The following YJU2B variants were observed in gnomAD, a reference collection of about 807,000 sequenced individuals.
YJU2B encodes probable splicing factor YJU2B.
In YJU2B, 18 loss-of-function variants were observed where a neutral mutation model predicts 38.0. The ratio of observed to expected loss-of-function variants is 0.47; its 90% CI spans 0.33 to 0.70. YJU2B has a LOEUF of 0.70. Ranked by LOEUF, YJU2B falls within the 30% of genes least tolerant of loss-of-function variation. The pLI, the probability that YJU2B is intolerant of heterozygous loss-of-function variation, is 0.02. For synonymous variants in YJU2B, 246 were observed against 225.4 expected, an observed-to-expected ratio of 1.09 and a Z score of -0.82; for missense variants, 538 against 556.3, an observed-to-expected ratio of 0.97 and a Z score of 0.33.
chr19:13,759,585 C>A lies in YJU2B; in HGVS notation c.573+313C>A, dbSNP rs573106402. Reference sequence around the variant, plus strand: ...GGCAACATAGTGAGACACCACCCCCCCCCTCCCCCAGCATCTCTAAATAAA... The same window carrying A: ...GGCAACATAGTGAGACACCACCCCCACCCTCCCCCAGCATCTCTAAATAAA... On this transcript the variant is annotated intron_variant, in intron 8 of 9. Coordinates refer to ENST00000221554, the MANE Select transcript of YJU2B (RefSeq NM_030818.4). 304 of 232,476 alleles carry A rather than the reference C, an allele frequency of 1.3e-3. 8 individuals are homozygous for A. The East Asian group carries it at 0.023, about 17-fold the overall frequency. The allele number at this position is 232,476 out of a possible 1,614,324, so 14.4% of individuals were successfully genotyped here.
Position 13,762,756 on chromosome 19 carries a change from G to A in YJU2B, c.879G>A (p.Leu293=). 4 of 1,608,078 alleles carry A rather than the reference G, an allele frequency of 2.5e-6. No individual in the cohort carries two copies. Among genetic ancestry groups the A allele is most frequent in the Non-Finnish European group, 3.4e-6 (4 of 1,178,572 alleles). The part of the protein sequence containing the change: ...LATSPITVGD[L]GIVRRRSRDV... The stretch of plus-strand genomic sequence containing the variant: ...CCTCCCCCATCACCGTCGGGGACCT[G>A]GGCATCGTGCGGCGGAGGTCTCGGG... Residue 293 remains leucine (L), a synonymous_variant, in exon 10 of 10, where the codon CTG becomes CTA. Coordinates refer to ENST00000221554, the MANE Select transcript of YJU2B (RefSeq NM_030818.4).
At position 13,758,060 on chromosome 19, in the gene YJU2B, C is replaced by G. The variant is rs543926418; in HGVS notation, c.257+214C>G. ...AGTCCTCCCCCTGGCTCACAAGGCA[C>G]CACACACTCTGCCTGTCCTTTCTTC... is the stretch of plus-strand genomic sequence containing the variant. On this transcript the variant is annotated intron_variant, in intron 6 of 9. Transcript: ENST00000221554. 4.6e-5 allele frequency among the ~76,000 whole-genome samples: 7 copies of G among 152,198 alleles called. No individual in the cohort carries two copies. In the South Asian group the frequency reaches 1.5e-3, roughly 32 times the overall value.
At chr19:13,738,673 C>T (rs1377224206) in intron 2 of YJU2B, among the ~76,000 whole-genome samples, 4 of 151,864 alleles carry the variant, frequency 2.6e-5, no homozygotes, top group African/African-American at 9.7e-5. Flanking sequence ...GGGCAGATCA[C>T]GAGGTCAGGA....
upstream of YJU2B, among the ~76,000 whole-genome samples, chr19:13,744,189 A>G (rs1973171551): frequency 6.6e-6 from 1 of 152,068 alleles, no homozygotes; most frequent in African/African-American, 2.4e-5. Context: ...TTAGTCTCAA[A>G]AAAAAAAAGA....
Position 13,762,808 on chromosome 19 carries a change from G to A in YJU2B, c.931G>A (p.Ala311Thr), listed in dbSNP as rs1315952828. Residue 311 changes from alanine (A) to threonine (T), a missense_variant, in exon 10 of 10, where the codon GCC (alanine) becomes ACC (threonine). By Grantham distance (58) the Ala-to-Thr change is moderately conservative. This residue lies in a region of YJU2B where 488 missense variants were observed against 469.5 expected (regional missense o/e 1.04). Transcript: ENST00000221554. ...CGTCCCGGAGAGCCCCCAGCATGCG[G>A]CCGACACCCCCAAGTCTGGGGAACC... Reference protein sequence around the residue: ...RDVPESPQHAADTPKSGEPRV... With the variant: ...RDVPESPQHATDTPKSGEPRV... The A allele has an allele frequency of 6.2e-7, 1 of 1,603,018 alleles. No homozygotes were observed. Among genetic ancestry groups the A allele is most frequent in the African/African-American group, 1.3e-5 (1 of 74,748 alleles).
intron 3 of YJU2B, 101 bp from the exon 4 acceptor site, chr19:13,756,096 C>A: frequency 1.1e-6 from 1 of 905,268 alleles, no homozygotes; most frequent in Non-Finnish European, 1.8e-6. Context: ...CAAGGCCTCT[C>A]CCACCTGTGA....
chr19:13,745,696 G>GAC (rs1462540168), upstream of YJU2B, among the ~76,000 whole-genome samples: 248 of 46,132 alleles, frequency 5.4e-3, no homozygotes, highest in Middle Eastern at 0.037. Flanking sequence ...GATAGATATA[G>GAC]ATATATAGAT....
chr19:13,738,707 C>T (rs1236171156), intron 2 of YJU2B, among the ~76,000 whole-genome samples: 15 of 152,038 alleles, frequency 9.9e-5, no homozygotes, highest in African/African-American at 2.4e-4. Flanking sequence ...CTGGCTAACA[C>T]GGTGAAACCC....
intron 2 of YJU2B, among the ~76,000 whole-genome samples, chr19:13,752,925 G>A (rs1435460197): frequency 6.9e-6 from 1 of 144,808 alleles, no homozygotes; most frequent in Non-Finnish European, 1.5e-5. Context: ...AAAAAAAAAA[G>A]AAGAAAACAA....
chr19:13,740,581 A>G (rs930005946), intron 2 of YJU2B, among the ~76,000 whole-genome samples: 1 of 152,028 alleles, frequency 6.6e-6, no homozygotes, highest in Non-Finnish European at 1.5e-5. Flanking sequence ...TCTGTCACCC[A>G]GGCTAGAGTG....
chr19:13,742,294 C>CTTTTTTTTTTTTTTTTT (rs552865402), intron 2 of YJU2B, among the ~76,000 whole-genome samples: 7 of 111,976 alleles, frequency 6.3e-5, no homozygotes, highest in African/African-American at 2.5e-4. Flanking sequence ...TTGAGTCCCA[C>CTTTTTTTTTTTTTTTTT]TTTTTTTTTT....
chr19:13,745,138 C>T (rs1249880375), upstream of YJU2B, among the ~76,000 whole-genome samples: 2 of 152,158 alleles, frequency 1.3e-5, no homozygotes, highest in Admixed American at 6.6e-5. Context: ...ACTAACTGTG[C>T]GACTTAACCT....
intron 8 of YJU2B, among the ~76,000 whole-genome samples, chr19:13,762,067 C>T (rs1973908874): frequency 6.6e-6 from 1 of 152,098 alleles, no homozygotes; most frequent in Non-Finnish European, 1.5e-5. Flanking sequence ...TGGTGGTGCA[C>T]ATCTGTAGTA....
upstream of YJU2B, among the ~76,000 whole-genome samples, chr19:13,745,937 T>C (rs1023793017): frequency 1.2e-4 from 18 of 151,968 alleles, no homozygotes; most frequent in African/African-American, 4.4e-4. Flanking sequence ...AAATAGATTC[T>C]GTTAGGCCCT....
chr19:13,758,822 G>A, intron 6 of YJU2B, 46 bp from the exon 7 acceptor site: 1 of 1,605,348 alleles, frequency 6.2e-7, no homozygotes, highest in Admixed American at 1.7e-5. Context: ...GGCTGTCCTG[G>A]TGCACAGCCA....
In YJU2B at chr19:13,757,960, G is replaced by A. The variant is rs556681577; in HGVS notation, c.257+114G>A. 2.6e-5 allele frequency: 23 copies of A among 900,878 alleles called. 1 individual carries two copies. The highest frequency in any genetic ancestry group is 3.3e-4 in the Middle Eastern group (1 of 3,060). 55.8% of individuals were successfully genotyped at this position (900,878 alleles called of 1,614,324 possible). On this transcript the variant is annotated intron_variant, in intron 6 of 9. Transcript: ENST00000221554. ...ATTCCCTGCAGGACTCCTGGAAATC[G>A]CCCTGGTTGGTGAATCAGGGCACAC...
chr19:13,745,208 G>C (rs1973198919), upstream of YJU2B, among the ~76,000 whole-genome samples: 1 of 152,056 alleles, frequency 6.6e-6, no homozygotes, highest in Non-Finnish European at 1.5e-5. Flanking sequence ...ACCTTCTAGG[G>C]GCATTCTATG....
rs758760470 is a variant in YJU2B, at chr19:13,759,058, C to T, written c.401-42C>T. 48 of 1,612,110 alleles carry T rather than the reference C, an allele frequency of 3.0e-5. No individual in the cohort carries two copies. The South Asian group carries it at 3.7e-4, about 13-fold the overall frequency. ...CCTGGGGGCCCTGGCCCTGAGTCTGCGCTGGGGCCCCCAAAGCCCAGCCGA... is the reference window on the plus strand; with the variant it reads ...CCTGGGGGCCCTGGCCCTGAGTCTGTGCTGGGGCCCCCAAAGCCCAGCCGA... On this transcript the variant is annotated intron_variant, in intron 7 of 9. Transcript: ENST00000221554.
In YJU2B at chr19:13,757,351, G is replaced by T. The variant is rs1000134359; in HGVS notation, c.141-67G>T. 2.2e-6 allele frequency: 3 copies of T among 1,373,590 alleles called. No individual in the cohort carries two copies. In the East Asian group the frequency reaches 6.9e-5, roughly 32 times the overall value. The allele number at this position is 1,373,590 out of a possible 1,614,324, so 85.1% of individuals were successfully genotyped here. A position where few individuals can be genotyped will look rare whatever the true frequency, so the allele number is the denominator to read the frequency against. On this transcript the variant is annotated intron_variant, in intron 4 of 9. Coordinates refer to ENST00000221554, the MANE Select transcript of YJU2B (RefSeq NM_030818.4). ...TCAAATCACAACCGCGGCCAGAGTC[G>T]CAGGTGTGGAGACCCAGGGAGTGTC...
Sources: allele counts gnomAD v4.1 joint callset (sites outside exome capture counted in the v4.1 genomes callset), GRCh38; gene constraint gnomAD v4.1.1; regional missense constraint gnomAD v4.1.1; transcripts MANE v1.5; gene names NCBI Gene and HGNC (gene_info 2026-07-23, HGNC 2026-07-21).